LRRC8D: variants seen among roughly 807,000 people sequenced by gnomAD.
LRRC8D encodes the protein volume-regulated anion channel subunit LRRC8D.
LRRC8D carries 20 observed loss-of-function variants against 55.8 expected under a neutral mutation model. The ratio of observed to expected loss-of-function variants is 0.36; its 90% CI spans 0.25 to 0.52. The LOEUF (loss-of-function observed/expected upper bound fraction) is 0.52, where lower values mean the gene tolerates loss of function less well. LRRC8D is among the 20% of genes least tolerant of loss of function. The probability of loss-of-function intolerance (pLI) is 0.93; values close to 1 mark genes in which losing one functional copy is unlikely to be tolerated. For missense variants in LRRC8D, 651 were observed against 1,030.8 expected, an observed-to-expected ratio of 0.63 and a Z score of 5.05; for synonymous variants, 352 against 377.0, an observed-to-expected ratio of 0.93 and a Z score of 0.77.
At chr1:89,865,330 T>TTTTA (rs1661814878) in intron 2 of LRRC8D, among the ~76,000 whole-genome samples, 2 of 139,296 alleles carry the variant, frequency 1.4e-5, no homozygotes, top group South Asian at 2.3e-4. Context: ...AAACATGAAA[T>TTTTA]TATATATATA....
intron 2 of LRRC8D, among the ~76,000 whole-genome samples, chr1:89,910,421 ATTG>A (rs1357944781): frequency 6.6e-6 from 1 of 152,256 alleles, no homozygotes. Context: ...CTTAGGTAAT[ATTG>A]TTATTAAATG....
chr1:89,895,749 AATC>A (rs1238017285), intron 2 of LRRC8D, among the ~76,000 whole-genome samples: 1 of 152,218 alleles, frequency 6.6e-6, no homozygotes, highest in African/African-American at 2.4e-5. Context: ...GAAGATGAAT[AATC>A]ATACCAATTT....
chr1:89,871,549 T>C (rs545125671), intron 2 of LRRC8D, among the ~76,000 whole-genome samples: 1 of 152,354 alleles, frequency 6.6e-6, no homozygotes, highest in South Asian at 2.1e-4. Flanking sequence ...TATTTGCATT[T>C]ACATATGGTA....
chr1:89,872,713 G>A (rs1309653154), intron 2 of LRRC8D, among the ~76,000 whole-genome samples: 4 of 152,180 alleles, frequency 2.6e-5, no homozygotes, highest in Non-Finnish European at 5.9e-5. Context: ...GATGAATGCT[G>A]TGGGTTTTTG....
chr1:89,902,401 G>A (rs1275530372), intron 2 of LRRC8D, among the ~76,000 whole-genome samples: 1 of 152,130 alleles, frequency 6.6e-6, no homozygotes, highest in Non-Finnish European at 1.5e-5. Flanking sequence ...TTCTCTCTGT[G>A]TCTTCATATC....
At chr1:89,928,871 A>T (rs1256802654) in intron 2 of LRRC8D, among the ~76,000 whole-genome samples, 3 of 152,316 alleles carry the variant, frequency 2.0e-5, no homozygotes, top group Non-Finnish European at 4.4e-5. Flanking sequence ...GTTTATTTTT[A>T]TGCTGGGACC....
At chr1:89,904,921 T>C (rs1359708220) in intron 2 of LRRC8D, among the ~76,000 whole-genome samples, 2 of 152,092 alleles carry the variant, frequency 1.3e-5, no homozygotes, top group African/African-American at 2.4e-5. Flanking sequence ...AGCCATCCAG[T>C]ATCCTTGCTG....
chr1:89,900,566 A>G (rs1056673623), intron 2 of LRRC8D, among the ~76,000 whole-genome samples: 3 of 152,206 alleles, frequency 2.0e-5, no homozygotes, highest in African/African-American at 4.8e-5. Flanking sequence ...GATGTAGTAC[A>G]TGTTTACCAC....
At chr1:89,862,057 G>A (rs1321689043) in intron 2 of LRRC8D, among the ~76,000 whole-genome samples, 1 of 152,172 alleles carries the variant, frequency 6.6e-6, no homozygotes, top group South Asian at 2.1e-4. Context: ...ATTTAGAAAA[G>A]TGGTAGAATC....
intron 2 of LRRC8D, among the ~76,000 whole-genome samples, chr1:89,893,912 C>T (rs1662639147): frequency 6.6e-6 from 1 of 152,204 alleles, no homozygotes; most frequent in Non-Finnish European, 1.5e-5. Context: ...TTAAAATGTG[C>T]TAAACCCTTA....
rs759726598 is a variant in LRRC8D, at chr1:89,933,375, TCTG to T, written c.311_313del (p.Ala104del). The T allele has an allele frequency of 1.2e-6, 2 of 1,614,116 alleles. No individual in the cohort carries two copies. The highest frequency in any genetic ancestry group is 1.7e-6 in the Non-Finnish European group (2 of 1,180,028). On this transcript the variant is annotated inframe_deletion, in exon 3 of 3. Transcript: ENST00000337338. The surrounding 1 kb of genome is among the most constrained non-coding windows in gnomAD (Gnocchi z 7.0). ...AACAAACGACATTTCCTTTGGGACA[TCTG>T]CTGTGACACCTGACATACCTCTCAG...
chr1:89,840,181 T>A (rs1007543518), intron 1 of LRRC8D, among the ~76,000 whole-genome samples: 1 of 152,136 alleles, frequency 6.6e-6, no homozygotes, highest in South Asian at 2.1e-4. Flanking sequence ...TTTATGAGGT[T>A]GTGATTTTAA....
intron 2 of LRRC8D, among the ~76,000 whole-genome samples, chr1:89,853,126 A>G (rs1228578561): frequency 6.6e-6 from 1 of 152,204 alleles, no homozygotes; most frequent in African/African-American, 2.4e-5. Flanking sequence ...GAAAGGCGAG[A>G]CTGGATTGAA....
chr1:89,887,366 G>A (rs1046135118), intron 2 of LRRC8D, among the ~76,000 whole-genome samples: 1 of 152,022 alleles, frequency 6.6e-6, no homozygotes, highest in Admixed American at 6.6e-5. Context: ...TCACAACTCT[G>A]GTTCATTTAG....
intron 2 of LRRC8D, among the ~76,000 whole-genome samples, chr1:89,894,348 G>A (rs1662654039): frequency 6.6e-6 from 1 of 152,208 alleles, no homozygotes; most frequent in Non-Finnish European, 1.5e-5. Context: ...CTCTCCATCT[G>A]AGAGTGAGCC....
At chr1:89,873,487 T>C (rs1273618048) in intron 2 of LRRC8D, among the ~76,000 whole-genome samples, 1 of 152,190 alleles carries the variant, frequency 6.6e-6, no homozygotes, top group Non-Finnish European at 1.5e-5. Flanking sequence ...GCTCATGACT[T>C]CCTTTCAGTG....
intron 2 of LRRC8D, among the ~76,000 whole-genome samples, chr1:89,875,070 T>G (rs1403270353): frequency 1.3e-5 from 2 of 152,170 alleles, no homozygotes; most frequent in African/African-American, 2.4e-5. Flanking sequence ...TCCTTACTTC[T>G]CAAGAATAAT....
chr1:89,931,557 G>A (rs1222027274), intron 2 of LRRC8D, among the ~76,000 whole-genome samples: 6 of 152,016 alleles, frequency 3.9e-5, no homozygotes, highest in East Asian at 1.9e-4. Flanking sequence ...TCAGGAGTTC[G>A]AGACCAGCCT....
chr1:89,833,986 T>C (rs1374600569), intron 1 of LRRC8D, among the ~76,000 whole-genome samples: 1 of 152,180 alleles, frequency 6.6e-6, no homozygotes, highest in Non-Finnish European at 1.5e-5. Flanking sequence ...CAGGCAATTC[T>C]CTGGGCAGCG....
Sources: allele counts gnomAD v4.1 joint callset (sites outside exome capture counted in the v4.1 genomes callset), GRCh38; gene constraint gnomAD v4.1.1; non-coding constraint Gnocchi (gnomAD v3.1); transcripts MANE v1.5; gene names NCBI Gene and HGNC (gene_info 2026-07-23, HGNC 2026-07-21).